The following GLIS3 variants were observed in gnomAD, a reference collection of about 807,000 sequenced individuals.
GLIS3 encodes zinc finger protein GLIS3.
In GLIS3, 53 loss-of-function variants were observed where a neutral mutation model predicts 78.6. The ratio of observed to expected loss-of-function variants is 0.67; its 90% CI spans 0.54 to 0.85. The LOEUF (loss-of-function observed/expected upper bound fraction) is 0.85, where lower values mean the gene tolerates loss of function less well. GLIS3 is among the 40% of genes least tolerant of loss of function. The probability of loss-of-function intolerance (pLI) is 0.00; values close to 1 mark genes in which losing one functional copy is unlikely to be tolerated. For missense variants in GLIS3, 1,703 were observed against 1,231.1 expected (o/e 1.38, Z -5.74); for synonymous variants, 684 against 509.9 (o/e 1.34, Z -4.60).
chr9:3,839,349 TCACACAATCTCC>T (rs1818572942), intron 9 of GLIS3, among the ~76,000 whole-genome samples: 1 of 152,152 alleles, frequency 6.6e-6, no homozygotes, highest in South Asian at 2.1e-4. Flanking sequence ...AAAACAGCAA[TCACACAATCTCC>T]TACTAAGTCC....
the GLIS3 span, among the ~76,000 whole-genome samples, chr9:4,354,166 G>T: frequency 3.7e-3 from 566 of 152,104 alleles, 5 homozygotes; most frequent in African/African-American, 0.013. Flanking sequence ...TAGCCAAGAG[G>T]GCTTTTTAAA....
chr9:3,998,423 C>G (rs915272014), intron 4 of GLIS3, among the ~76,000 whole-genome samples: 2 of 151,962 alleles, frequency 1.3e-5, no homozygotes, highest in Admixed American at 6.6e-5. Flanking sequence ...TATATTTACA[C>G]CTCTTTTATA....
At chr9:4,103,565 C>A (rs553842303) in intron 4 of GLIS3, among the ~76,000 whole-genome samples, 1 of 152,236 alleles carries the variant, frequency 6.6e-6, no homozygotes, top group East Asian at 1.9e-4. Context: ...ACACAATGAC[C>A]AAGAAGTCTT....
the GLIS3 span, among the ~76,000 whole-genome samples, chr9:4,435,707 T>C: frequency 6.6e-6 from 1 of 152,218 alleles, no homozygotes; most frequent in South Asian, 2.1e-4. Context: ...CCCAGCACTT[T>C]GGGAGGCCAA....
At chr9:4,326,041 C>G (rs1021267290) in intron 2 of GLIS3, among the ~76,000 whole-genome samples, 1 of 152,112 alleles carries the variant, frequency 6.6e-6, no homozygotes, top group Admixed American at 6.6e-5. Flanking sequence ...ACAACACACA[C>G]TGGGGCCTGT....
At chr9:3,956,664 G>A (rs1817131413) in intron 4 of GLIS3, among the ~76,000 whole-genome samples, 1 of 152,094 alleles carries the variant, frequency 6.6e-6, no homozygotes, top group African/African-American at 2.4e-5. Context: ...TTCCTGTTTT[G>A]ATCTCACAGA....
At chr9:4,086,435 C>G (rs951359917) in intron 4 of GLIS3, among the ~76,000 whole-genome samples, 2 of 152,202 alleles carry the variant, frequency 1.3e-5, no homozygotes, top group Non-Finnish European at 2.9e-5. Flanking sequence ...CTCTCAGAGA[C>G]CAGGATCCTA....
chr9:4,071,836 T>C (rs1482988718), intron 4 of GLIS3: 1 of 152,218 alleles, frequency 6.6e-6, no homozygotes, highest in East Asian at 1.9e-4. Flanking sequence ...TTTCCTAATA[T>C]ATCATTTTAA....
At chr9:4,480,835 G>GA in the GLIS3 span, among the ~76,000 whole-genome samples, 19,154 of 131,382 alleles carry the variant, frequency 0.15, 1,378 homozygotes, top group South Asian at 0.21. Context: ...CACCTTCATT[G>GA]AAAAAAAAAA....
At chr9:3,951,841 A>AACACACACACACACACACAC (rs3061609) in intron 4 of GLIS3, among the ~76,000 whole-genome samples, 75 of 130,612 alleles carry the variant, frequency 5.7e-4, no homozygotes, top group African/African-American at 1.8e-3. Flanking sequence ...AATAAGCATG[A>AACACACACACACACACACAC]ACACACACAC....
chr9:4,076,837 G>C (rs1828106301), intron 4 of GLIS3, among the ~76,000 whole-genome samples: 1 of 152,172 alleles, frequency 6.6e-6, no homozygotes, highest in Non-Finnish European at 1.5e-5. Flanking sequence ...CGAGGGAATG[G>C]CTTGAACCCA....
At chr9:3,917,600 T>TA (rs1824604946) in intron 6 of GLIS3, among the ~76,000 whole-genome samples, 1 of 148,442 alleles carries the variant, frequency 6.7e-6, no homozygotes, top group African/African-American at 2.5e-5. Context: ...CTCCATCCAT[T>TA]ATTTTTTTTT....
At chr9:3,904,839 G>A (rs1179687316) in intron 6 of GLIS3, among the ~76,000 whole-genome samples, 3 of 152,144 alleles carry the variant, frequency 2.0e-5, no homozygotes, top group East Asian at 3.9e-4. Flanking sequence ...ATTTCGGTGT[G>A]TTAGAGGGAA....
At chr9:3,916,589 A>C (rs1824529934) in intron 6 of GLIS3, among the ~76,000 whole-genome samples, 1 of 152,238 alleles carries the variant, frequency 6.6e-6, no homozygotes, top group Non-Finnish European at 1.5e-5. Context: ...CCTTTCAGAG[A>C]AAAATTGCAG....
At chr9:4,098,828 A>T (rs1763318115) in intron 4 of GLIS3, among the ~76,000 whole-genome samples, 1 of 152,154 alleles carries the variant, frequency 6.6e-6, no homozygotes, top group Non-Finnish European at 1.5e-5. Context: ...TTGTCACCCC[A>T]AATTAGTTCT....
intron 2 of GLIS3, among the ~76,000 whole-genome samples, chr9:4,149,005 T>G (rs996900193): frequency 2.0e-4 from 31 of 152,048 alleles, no homozygotes; most frequent in African/African-American, 7.0e-4. Context: ...GAAACAAGAT[T>G]ATAACAAACC....
intron 2 of GLIS3, among the ~76,000 whole-genome samples, chr9:4,152,604 A>G (rs1834764643): frequency 6.6e-6 from 1 of 152,180 alleles, no homozygotes; most frequent in African/African-American, 2.4e-5. Context: ...TTTCTGAGTA[A>G]ACGTGGTGTT....
At chr9:3,918,737 C>T (rs1284222971) in intron 6 of GLIS3, among the ~76,000 whole-genome samples, 2 of 152,162 alleles carry the variant, frequency 1.3e-5, no homozygotes, top group Non-Finnish European at 2.9e-5. Context: ...CTAGGATACA[C>T]ATGGCATTGA....
At chr9:3,998,794 A>T (rs894228285) in intron 4 of GLIS3, among the ~76,000 whole-genome samples, 1 of 148,732 alleles carries the variant, frequency 6.7e-6, no homozygotes, top group Admixed American at 6.7e-5. Context: ...ATATTTTAAT[A>T]AAATAATATT....
Sources: gnomAD v4.1 joint callset for allele counts (sites outside exome capture counted in the v4.1 genomes callset) on GRCh38, gnomAD v4.1.1 for gene constraint, MANE v1.5 for transcripts, NCBI Gene and HGNC (gene_info 2026-07-23, HGNC 2026-07-21) for gene names.